RALGPS2: variants seen among roughly 807,000 people sequenced by gnomAD.
The protein encoded by RALGPS2 is ras-specific guanine nucleotide-releasing factor RalGPS2.
In RALGPS2, 43 loss-of-function variants were observed where a neutral mutation model predicts 86.8. The observed-to-expected ratio is 0.50, with a 90% confidence interval of 0.39 to 0.64. RALGPS2 has a LOEUF of 0.64. RALGPS2 is among the 30% of genes least tolerant of loss of function. The pLI is 0.00. For missense variants in RALGPS2, 536 were observed against 694.6 expected, an observed-to-expected ratio of 0.77 and a Z score of 2.57; for synonymous variants, 243 against 231.3, an observed-to-expected ratio of 1.05 and a Z score of -0.46.
intron 16 of RALGPS2, 36 bp downstream of exon 16, chr1:178,894,060 T>TA: frequency 8.1e-7 from 1 of 1,232,886 alleles, no homozygotes; most frequent in Non-Finnish European, 1.2e-6. Context: ...AATACACCTC[T>TA]AAAAATATGC....
intron 6 of RALGPS2, among the ~76,000 whole-genome samples, chr1:178,812,106 C>T (rs950393736): frequency 5.9e-5 from 9 of 152,036 alleles, no homozygotes; most frequent in Admixed American, 5.9e-4. Flanking sequence ...AGATTTATTA[C>T]ATGTGCATAG....
At chr1:178,810,849 CT>C (rs1236372432) in intron 5 of RALGPS2, among the ~76,000 whole-genome samples, 3 of 151,814 alleles carry the variant, frequency 2.0e-5, no homozygotes, top group South Asian at 2.1e-4. Context: ...AGTGCTTTGA[CT>C]TTTTTTCATA....
intron 8 of RALGPS2, chr1:178,864,873 G>A (rs182451343): frequency 5.2e-6 from 5 of 953,402 alleles, no homozygotes; most frequent in African/African-American, 3.3e-5. Flanking sequence ...AAATGAATAA[G>A]CATTTATTAT....
chr1:178,805,762 T>C (rs1220957978), intron 4 of RALGPS2, among the ~76,000 whole-genome samples: 1 of 152,302 alleles, frequency 6.6e-6, no homozygotes, highest in East Asian at 1.9e-4. Context: ...TCTCCTTCTT[T>C]TGCACATACA....
At chr1:178,830,037 G>A (rs1042536477) in intron 7 of RALGPS2, among the ~76,000 whole-genome samples, 15 of 152,168 alleles carry the variant, frequency 9.9e-5, no homozygotes, top group Non-Finnish European at 1.8e-4. Flanking sequence ...GAGCCACCGT[G>A]TCCAGCCTAA....
At chr1:178,742,917 C>T (rs1261368862) in intron 1 of RALGPS2, among the ~76,000 whole-genome samples, 1 of 152,186 alleles carries the variant, frequency 6.6e-6, no homozygotes, top group Non-Finnish European at 1.5e-5. Context: ...ATGAAAACAA[C>T]AAATCAGAAT....
At chr1:178,843,013 G>A (rs1656669471) in intron 8 of RALGPS2, among the ~76,000 whole-genome samples, 3 of 149,980 alleles carry the variant, frequency 2.0e-5, no homozygotes, top group African/African-American at 4.9e-5. Context: ...ACAGGTGCTG[G>A]AGAGGATGTG....
Position 178,878,898 on chromosome 1 carries a change from C to G in RALGPS2, c.746-4C>G. On this transcript the variant is annotated splice_polypyrimidine_tract_variant and splice_region_variant and intron_variant, in intron 9 of 19. Transcript: ENST00000367635. ...CAGATAATTATTTATCACCTTTTGC[C>G]TAGATATTCCCATGTTGCCTCATGT... 1 of 1,611,366 alleles carries G rather than the reference C, an allele frequency of 6.2e-7. No individual in the cohort carries two copies. Among genetic ancestry groups the G allele is most frequent in the Non-Finnish European group, 8.5e-7 (1 of 1,178,974 alleles).
intron 1 of RALGPS2, chr1:178,747,452 T>C: frequency 6.3e-7 from 1 of 1,593,226 alleles, no homozygotes; most frequent in South Asian, 1.1e-5. Flanking sequence ...CAGCATCTCT[T>C]GGTCATCTGT....
At chr1:178,770,665 C>G (rs892406150) in intron 1 of RALGPS2, among the ~76,000 whole-genome samples, 1 of 151,036 alleles carries the variant, frequency 6.6e-6, no homozygotes, top group Non-Finnish European at 1.5e-5. Context: ...TTAGTAGAGA[C>G]AGGGTTTCAC....
intron 8 of RALGPS2, among the ~76,000 whole-genome samples, chr1:178,855,296 CTT>C (rs71677302): frequency 0.061 from 8,234 of 135,824 alleles, 767 homozygotes; most frequent in African/African-American, 0.2. Context: ...AGGACAGAGA[CTT>C]TTTTTTTTTT....
intron 4 of RALGPS2, among the ~76,000 whole-genome samples, chr1:178,801,789 A>C (rs1453915199): frequency 7.3e-6 from 1 of 137,528 alleles, no homozygotes; most frequent in Non-Finnish European, 1.6e-5. Context: ...CACCAGAGGA[A>C]TTAACAAAAG....
chr1:178,745,965 G>T (rs1171590626), intron 1 of RALGPS2, among the ~76,000 whole-genome samples: 1 of 151,612 alleles, frequency 6.6e-6, no homozygotes, highest in Non-Finnish European at 1.5e-5. Context: ...GGGACTACAG[G>T]CATGTGCCAC....
intron 6 of RALGPS2, 143 bp downstream of exon 6, chr1:178,811,547 A>T (rs1218742841): frequency 5.2e-6 from 3 of 576,460 alleles, no homozygotes. Flanking sequence ...TTAAAATTGG[A>T]TGCCTACTTT....
intron 2 of RALGPS2, among the ~76,000 whole-genome samples, chr1:178,777,084 A>G (rs1653132947): frequency 1.4e-5 from 2 of 146,368 alleles, no homozygotes; most frequent in Non-Finnish European, 3.0e-5. Flanking sequence ...TATATCTCCC[A>G]ATGCTATCCC....
At chr1:178,809,116 C>T (rs1355343498) in intron 5 of RALGPS2, among the ~76,000 whole-genome samples, 2 of 152,120 alleles carry the variant, frequency 1.3e-5, no homozygotes, top group Admixed American at 6.6e-5. Flanking sequence ...TCCCAAGGCA[C>T]TGTGATTGTA....
chr1:178,773,497 C>G (rs1652908652), intron 1 of RALGPS2, among the ~76,000 whole-genome samples: 2 of 152,176 alleles, frequency 1.3e-5, no homozygotes, highest in African/African-American at 4.8e-5. Context: ...GAAGGACGTA[C>G]TAAAAGAATA....
At chr1:178,875,909 C>T (rs1289528056) in intron 8 of RALGPS2, among the ~76,000 whole-genome samples, 5 of 152,072 alleles carry the variant, frequency 3.3e-5, no homozygotes, top group Non-Finnish European at 7.4e-5. Flanking sequence ...ATGATTCTTC[C>T]TCCAAGATTG....
At chr1:178,787,723 T>C (rs182100808) in intron 4 of RALGPS2, among the ~76,000 whole-genome samples, 1 of 152,288 alleles carries the variant, frequency 6.6e-6, no homozygotes, top group East Asian at 1.9e-4. Context: ...ATTTATCTAA[T>C]CCCTTTGATT....
Sources: gnomAD v4.1 joint callset for allele counts (sites outside exome capture counted in the v4.1 genomes callset) on GRCh38, gnomAD v4.1.1 for gene constraint, MANE v1.5 for transcripts, NCBI Gene and HGNC (gene_info 2026-07-23, HGNC 2026-07-21) for gene names.